GPI: variants seen among roughly 807,000 people sequenced by gnomAD.
GPI encodes D-hexose-6-phosphate anomerase.
GPI carries 56 observed loss-of-function variants against 75.8 expected under a neutral mutation model. The observed-to-expected ratio is 0.74, with a 90% CI of 0.60 to 0.92. GPI has a LOEUF of 0.92. Ranked by LOEUF, GPI falls within the 40% of genes least tolerant of loss-of-function variation. The pLI, the probability that GPI is intolerant of heterozygous loss-of-function variation, is 0.00. For missense variants in GPI, 638 were observed against 741.0 expected (o/e 0.86, Z 1.61); for synonymous variants, 288 against 285.4 (o/e 1.01, Z -0.09).
upstream of GPI, among the ~76,000 whole-genome samples, chr19:34,362,862 T>C (rs1237678700): frequency 1.3e-5 from 2 of 152,356 alleles, no homozygotes; most frequent in African/African-American, 4.8e-5. Context: ...GGACCCTGTT[T>C]AGCTGGCATA....
At chr19:34,364,957 G>T (rs754644492), upstream of GPI, 64 of 1,526,970 alleles carry the variant, frequency 4.2e-5, no homozygotes, top group African/African-American at 8.7e-4. Context: ...GTGATCCCCG[G>T]GCTCTGCCCA....
intron 9 of GPI, chr19:34,392,079 T>TCC (rs2074853078): frequency 8.0e-3 from 19 of 2,386 alleles, no homozygotes; most frequent in African/African-American, 0.013. Flanking sequence ...CTGGGTCTGT[T>TCC]AATGTCTGAG....
rs2074596321 is a variant in GPI at position 34,378,942 on chromosome 19, T to C, written c.642T>C (p.Thr214=). The part of the protein sequence containing the change: ...SLFIIASKTF[T]TQETITNAET... ...GTTCTCTTTGGTTGCAGACCTTTAC[T>C]ACCCAGGAGACCATCACGAATGCAG... Residue 214 remains threonine (T), a synonymous_variant, in exon 7 of 18, where the codon ACT becomes ACC. Transcript: ENST00000356487. 6.2e-7 allele frequency: 1 copy of C among 1,614,112 alleles called. No individual in the cohort carries two copies. The highest frequency in any genetic ancestry group is 8.5e-7 in the Non-Finnish European group (1 of 1,179,928).
At chr19:34,386,666 A>G (rs2074739557) in intron 9 of GPI, among the ~76,000 whole-genome samples, 1 of 152,300 alleles carries the variant, frequency 6.6e-6, no homozygotes, top group Admixed American at 6.5e-5. Flanking sequence ...GGCAGGCAGA[A>G]CATTGTGGGT....
rs1453191142 is a variant in GPI, at chr19:34,401,007, T to TA, written c.*971_*972insA. On this transcript the variant is annotated 3_prime_UTR_variant, in exon 18 of 18. Coordinates refer to ENST00000356487, the MANE Select transcript of GPI (RefSeq NM_000175.5). Reference sequence around the variant, plus strand: ...TCCCACAGTGCTGGGATTACAGGTATGAGCCACCACGCCCGGCCCATTTTT... The same window carrying TA: ...TCCCACAGTGCTGGGATTACAGGTATAGAGCCACCACGCCCGGCCCATTTTT... 16 of 186,212 alleles carry TA rather than the reference T, an allele frequency of 8.6e-5. No individual in the cohort carries two copies. In the East Asian group the frequency reaches 1.8e-3, roughly 21 times the overall value. The allele number at this position is 186,212 out of a possible 1,614,324, so 11.5% of individuals were successfully genotyped here. A position where few individuals can be genotyped will look rare whatever the true frequency, so the allele number is the denominator to read the frequency against.
intron 14 of GPI, 109 bp downstream of exon 14, chr19:34,396,766 G>T (rs117414409): frequency 2.4e-6 from 2 of 821,844 alleles, no homozygotes; most frequent in Admixed American, 2.0e-5. Flanking sequence ...TATTCCTGCC[G>T]TAACAAATGA....
chr19:34,400,410 AG>A lies in GPI; in HGVS notation c.*376del. ...AGGGCAGGAGCGCTCAGCAGGACGC[AG>A]GCTGTGCCTCTGCGGACACTTAACA... On this transcript the variant is annotated 3_prime_UTR_variant, in exon 18 of 18. Coordinates refer to ENST00000356487, the MANE Select transcript of GPI (RefSeq NM_000175.5). 1.7e-6 allele frequency: 1 copy of A among 593,328 alleles called. No homozygotes were observed. Among genetic ancestry groups the A allele is most frequent in the Non-Finnish European group, 3.0e-6 (1 of 335,126 alleles). The allele number at this position is 593,328 out of a possible 1,614,324, so 36.8% of individuals were successfully genotyped here.
chr19:34,364,810 C>A (rs1025384844), upstream of GPI: 7 of 511,800 alleles, frequency 1.4e-5, no homozygotes, highest in African/African-American at 2.0e-5. Context: ...GTATCCACAG[C>A]GCCTAGAACA....
chr19:34,385,477 G>A (rs1255991345), intron 9 of GPI, among the ~76,000 whole-genome samples: 1 of 152,168 alleles, frequency 6.6e-6, no homozygotes, highest in Non-Finnish European at 1.5e-5. Flanking sequence ...TCTTGGGTGA[G>A]GTCTTTGGAG....
intron 4 of GPI, among the ~76,000 whole-genome samples, chr19:34,369,322 C>G (rs1218338163): frequency 6.6e-6 from 1 of 152,008 alleles, no homozygotes; most frequent in African/African-American, 2.4e-5. Context: ...CAGGCATGAG[C>G]CACTGCGCCT....
chr19:34,390,887 T>G (rs2074815229), intron 9 of GPI, among the ~76,000 whole-genome samples: 1 of 133,736 alleles, frequency 7.5e-6, no homozygotes, highest in African/African-American at 2.8e-5. Context: ...TTCCCGTGTC[T>G]GAGGAGGTAG....
Position 34,393,422 on chromosome 19 carries a change from C to T in GPI, c.865+114C>T, listed in dbSNP as rs369691829. The T allele has an allele frequency of 1.1e-6, 1 of 887,408 alleles. No homozygotes were observed. Among genetic ancestry groups the T allele is most frequent in the Non-Finnish European group, 1.9e-6 (1 of 520,566 alleles). 55.0% of individuals were successfully genotyped at this position (887,408 alleles called of 1,614,324 possible). A position where few individuals can be genotyped will look rare whatever the true frequency, so the allele number is the denominator to read the frequency against. On this transcript the variant is annotated intron_variant, in intron 10 of 17. Transcript: ENST00000356487. The surrounding 1 kb of genome is among the most constrained non-coding windows in gnomAD (Gnocchi z 4.4). ...TGCTGTCCTCACAGGCTGCTGGCCT[C>T]TCTGCAGCTGGCTGGGATATTTATT... is the stretch of plus-strand genomic sequence containing the variant.
At chr19:34,391,031 A>G (rs1224102995) in intron 9 of GPI, among the ~76,000 whole-genome samples, 4 of 140,570 alleles carry the variant, frequency 2.8e-5, no homozygotes, top group Admixed American at 7.1e-5. Context: ...TGGGTCTTCC[A>G]TGTCTGAGGA....
chr19:34,394,687 A>G (rs1305220217), intron 12 of GPI, among the ~76,000 whole-genome samples: 2 of 147,560 alleles, frequency 1.4e-5, no homozygotes, highest in African/African-American at 5.0e-5. Flanking sequence ...TAGTCACATT[A>G]TGTCCCAGAA....
At chr19:34,390,443 A>G (rs2074804803) in intron 9 of GPI, among the ~76,000 whole-genome samples, 1 of 151,884 alleles carries the variant, frequency 6.6e-6, no homozygotes, top group Admixed American at 6.6e-5. Flanking sequence ...GCAAGTGTCT[A>G]TGGAAGTAGG....
chr19:34,367,866 AT>A (rs1470552894), intron 3 of GPI, among the ~76,000 whole-genome samples: 4 of 152,208 alleles, frequency 2.6e-5, no homozygotes, highest in Non-Finnish European at 4.4e-5. Context: ...ATGGACACAC[AT>A]TGGGAGGATG....
Position 34,366,436 on chromosome 19 carries a change from G to T in GPI, c.213+1G>T. The T allele has an allele frequency of 6.2e-7, 1 of 1,605,922 alleles. No individual in the cohort carries two copies. Among genetic ancestry groups the T allele is most frequent in the Non-Finnish European group, 8.5e-7 (1 of 1,172,496 alleles). ...CGTGATGCGGATGCTGGTGGACTTG[G>T]TAATGTTCTGCTTGGGGAGGCATAA... is the stretch of plus-strand genomic sequence containing the variant. On this transcript the variant is annotated splice_donor_variant, in intron 2 of 17. Transcript: ENST00000356487. LOFTEE classifies it high-confidence loss of function.
Position 34,393,654 on chromosome 19 carries a change from C to A in GPI, c.866-74C>A. ...CTCTCCATGCAGCCTTCCTTCGTTG[C>A]AGAAGGAGCTGTGCCCACTGCCCAC... On this transcript the variant is annotated intron_variant, in intron 10 of 17. Coordinates refer to ENST00000356487, the MANE Select transcript of GPI (RefSeq NM_000175.5). The surrounding 1 kb of genome is among the most constrained non-coding windows in gnomAD (Gnocchi z 4.4). 7.1e-7 allele frequency: 1 copy of A among 1,404,212 alleles called. No homozygotes were observed. The highest frequency in any genetic ancestry group is 1.0e-6 in the Non-Finnish European group (1 of 989,600). 87.0% of individuals were successfully genotyped at this position (1,404,212 alleles called of 1,614,324 possible). A position where few individuals can be genotyped will look rare whatever the true frequency, so the allele number is the denominator to read the frequency against.
chr19:34,400,753 C>G lies in GPI; in HGVS notation c.*717C>G, dbSNP rs886083840. ...AAACTGGAATTTTTTTTTTTTGAGTCTCGCTCTGTCACCCAGACTGGAGTG... is the reference window on the plus strand; with the variant it reads ...AAACTGGAATTTTTTTTTTTTGAGTGTCGCTCTGTCACCCAGACTGGAGTG... On this transcript the variant is annotated 3_prime_UTR_variant, in exon 18 of 18. Transcript: ENST00000356487. 4 of 397,486 alleles carry G rather than the reference C, an allele frequency of 1.0e-5. No individual in the cohort carries two copies. Among genetic ancestry groups the G allele is most frequent in the Admixed American group, 4.3e-5 (1 of 23,356 alleles). 24.6% of individuals were successfully genotyped at this position (397,486 alleles called of 1,614,324 possible). A position where few individuals can be genotyped will look rare whatever the true frequency, so the allele number is the denominator to read the frequency against.
Sources: gnomAD v4.1 joint callset for allele counts (sites outside exome capture counted in the v4.1 genomes callset) on GRCh38, gnomAD v4.1.1 for gene constraint, Gnocchi (gnomAD v3.1) non-coding constraint, MANE v1.5 for transcripts, NCBI Gene and HGNC (gene_info 2026-07-23, HGNC 2026-07-21) for gene names.